MRC2: variants seen among roughly 807,000 people sequenced by gnomAD.
MRC2 encodes C-type mannose receptor 2.
MRC2 carries 84 observed loss-of-function variants against 206.2 expected under a neutral mutation model. The ratio of observed to expected loss-of-function variants is 0.41; its 90% confidence interval spans 0.34 to 0.49. MRC2 has a LOEUF of 0.49. MRC2 is among the 20% of genes least tolerant of loss of function. The pLI, the probability that MRC2 is intolerant of heterozygous loss-of-function variation, is 0.31. For missense variants in MRC2, 1,676 were observed against 2,001.5 expected (o/e 0.84, Z 3.10); for synonymous variants, 798 against 800.0 (o/e 1.00, Z 0.04).
At chr17:62,631,934 C>T (rs1249326853) in intron 1 of MRC2, among the ~76,000 whole-genome samples, 1 of 152,122 alleles carries the variant, frequency 6.6e-6, no homozygotes, top group Non-Finnish European at 1.5e-5. Flanking sequence ...TTTGAGACCT[C>T]CCCACCGTGT....
intron 1 of MRC2, among the ~76,000 whole-genome samples, chr17:62,644,425 T>C (rs1373717973): frequency 6.7e-6 from 1 of 149,700 alleles, no homozygotes; most frequent in African/African-American, 2.5e-5. Context: ...TCTGGAAAAA[T>C]AAAAAAACAT....
At position 62,681,943 on chromosome 17, in the gene MRC2, G is replaced by C; in HGVS notation, c.2803+6G>C. 1 of 1,612,220 alleles carries C rather than the reference G, an allele frequency of 6.2e-7. No homozygotes were observed. On this transcript the variant is annotated splice_donor_region_variant and intron_variant, in intron 19 of 29. Coordinates refer to ENST00000303375, the MANE Select transcript of MRC2 (RefSeq NM_006039.5). ...GTACATGACAGCCAGCCGAGGTGAG[G>C]GCAAGGTGGGGGCAGAGTGCGCAGT...
chr17:62,663,463 C>A (rs558578312), intron 1 of MRC2, among the ~76,000 whole-genome samples: 1 of 152,056 alleles, frequency 6.6e-6, no homozygotes, highest in Admixed American at 6.6e-5. Flanking sequence ...AAAGAAGCAC[C>A]GTGCCCTTTA....
rs1391817758 is a variant in MRC2, at chr17:62,693,038, G to C, written c.*587G>C. 6.5e-6 allele frequency: 1 copy of C among 154,264 alleles called. No homozygotes were observed. The highest frequency in any genetic ancestry group is 1.4e-5 in the Non-Finnish European group (1 of 69,226). The allele number at this position is 154,264 out of a possible 1,614,324, so 9.6% of individuals were successfully genotyped here. A position where few individuals can be genotyped will look rare whatever the true frequency, so the allele number is the denominator to read the frequency against. The stretch of plus-strand genomic sequence containing the variant: ...CACTCCTGTGCCTGCTGGGGTGGCT[G>C]TGGGGCGTGGCAGGAGGGGCCTAGG... On this transcript the variant is annotated 3_prime_UTR_variant, in exon 30 of 30. Coordinates refer to ENST00000303375, the MANE Select transcript of MRC2 (RefSeq NM_006039.5).
At position 62,664,867 on chromosome 17, in the gene MRC2, C is replaced by T; in HGVS notation, c.438C>T (p.Thr146=). The T allele has an allele frequency of 1.2e-6, 2 of 1,613,738 alleles. No homozygotes were observed. Among genetic ancestry groups the T allele is most frequent in the Non-Finnish European group, 1.7e-6 (2 of 1,180,030 alleles). The change falls in exon 2 of 30, where the codon ACC becomes ACT. Residue 146 remains threonine, a synonymous_variant. Coordinates refer to ENST00000303375, the MANE Select transcript of MRC2 (RefSeq NM_006039.5). This position sits in a 1 kb window ranked among gnomAD's most constrained non-coding sequence, Gnocchi z 4.7. ...CCAGCAACATATCCAAGCCTGGCAC[C>T]CTTGAGCGTGGTGACCAGACCCGCA... ...ARTSNISKPG[T]LERGDQTRSG... is the part of the protein sequence containing the mutation.
intron 1 of MRC2, among the ~76,000 whole-genome samples, chr17:62,645,457 G>A (rs891826844): frequency 2.2e-5 from 3 of 133,592 alleles, no homozygotes; most frequent in Admixed American, 8.1e-5. Flanking sequence ...TATACATATT[G>A]TGTGTGTATA....
chr17:62,630,082 T>C (rs906809161), intron 1 of MRC2, among the ~76,000 whole-genome samples: 2 of 152,192 alleles, frequency 1.3e-5, no homozygotes, highest in Admixed American at 1.3e-4. Flanking sequence ...TTCTGGAGCA[T>C]GCAGTTTGCT....
chr17:62,676,650 A>G, intron 11 of MRC2, 119 bp downstream of exon 11: 1 of 1,264,562 alleles, frequency 7.9e-7, no homozygotes, highest in South Asian at 1.6e-5. Context: ...ACTGTGGTGT[A>G]GTGTCTATGA....
At chr17:62,641,284 C>T (rs1238071895) in intron 1 of MRC2, among the ~76,000 whole-genome samples, 1 of 149,424 alleles carries the variant, frequency 6.7e-6, no homozygotes, top group Non-Finnish European at 1.5e-5. Flanking sequence ...CCATTGCACT[C>T]CAGCCTGGCC....
At position 62,680,011 on chromosome 17, in the gene MRC2, A is replaced by C. The variant is rs1356200916; in HGVS notation, c.2298+109A>C. ...GGGTTTTCTTGAGGGCCGGGCCCCC[A>C]GTCGGAGCCGGCTTCAGGAAAGCAG... On this transcript the variant is annotated intron_variant, in intron 14 of 29. Transcript: ENST00000303375. This position sits in a 1 kb window ranked among gnomAD's most constrained non-coding sequence, Gnocchi z 4.8. 2.7e-6 allele frequency: 4 copies of C among 1,464,712 alleles called. No individual in the cohort carries two copies. Among genetic ancestry groups the C allele is most frequent in the Non-Finnish European group, 3.7e-6 (4 of 1,084,572 alleles). 90.7% of individuals were successfully genotyped at this position (1,464,712 alleles called of 1,614,324 possible).
At chr17:62,663,817 G>T (rs1472918062) in intron 1 of MRC2, among the ~76,000 whole-genome samples, 1 of 152,168 alleles carries the variant, frequency 6.6e-6, no homozygotes, top group East Asian at 1.9e-4. Context: ...GATCAAAGGA[G>T]AATTTTGGCA....
Position 62,689,589 on chromosome 17 carries a change from C to A in MRC2, c.3402C>A (p.Asn1134Lys), listed in dbSNP as rs560546241. The A allele has an allele frequency of 6.2e-7, 1 of 1,602,936 alleles. No homozygotes were observed. Among genetic ancestry groups the A allele is most frequent in the Non-Finnish European group, 8.5e-7 (1 of 1,175,048 alleles). The stretch of plus-strand genomic sequence containing the variant: ...CGGGCACTGAGCTCTCCTACCTCAA[C>A]GGCACCTTCCGGCTGCTTCAGAAGC... ...PAPGTELSYLNGTFRLLQKPL... is the reference protein window; with the variant it reads ...PAPGTELSYLKGTFRLLQKPL... The change falls in exon 24 of 30, where the codon AAC becomes AAA. Residue 1134 changes from asparagine to lysine, a missense_variant. Transcript: ENST00000303375.
rs191992589 is a variant in MRC2 at position 62,659,287 on chromosome 17, C to T, written c.119-5261C>T. Among the ~76,000 whole-genome samples the T allele has an allele frequency of 2.7e-3, 410 of 152,264 alleles. 2 individuals are homozygous for T. Among genetic ancestry groups the T allele is most frequent in the African/African-American group, 9.4e-3 (390 of 41,552 alleles). On this transcript the variant is annotated intron_variant, in intron 1 of 29. Coordinates refer to ENST00000303375, the MANE Select transcript of MRC2 (RefSeq NM_006039.5). ...GGGCGTGGTGGCTCACTCTTGTAATCCTAGTACTCTGGGAGGCCAAGGTGG... is the reference window on the plus strand; with the variant it reads ...GGGCGTGGTGGCTCACTCTTGTAATTCTAGTACTCTGGGAGGCCAAGGTGG...
chr17:62,647,186 CTTTT>C (rs34733419), intron 1 of MRC2, among the ~76,000 whole-genome samples: 1 of 136,362 alleles, frequency 7.3e-6, no homozygotes, highest in African/African-American at 2.7e-5. Flanking sequence ...TTTTCTTTTT[CTTTT>C]TTTTTTTTTT....
chr17:62,689,054 G>C (rs544269076), intron 23 of MRC2, 94 bp downstream of exon 23: 1 of 981,562 alleles, frequency 1.0e-6, no homozygotes, highest in Non-Finnish European at 1.6e-6. Flanking sequence ...CATGGTCCCT[G>C]GCAGAGCAGG....
Position 62,680,659 on chromosome 17 carries a change from A to T in MRC2, c.2474-141A>T. 7.8e-7 allele frequency: 1 copy of T among 1,287,678 alleles called. No homozygotes were observed. The highest frequency in any genetic ancestry group is 1.5e-5 in the South Asian group (1 of 65,044). 79.8% of individuals were successfully genotyped at this position (1,287,678 alleles called of 1,614,324 possible). A position where few individuals can be genotyped will look rare whatever the true frequency, so the allele number is the denominator to read the frequency against. ...GCAAGCCTGGGGCCTGGGGCCTGGC[A>T]CGGTGCCTGCCTGGGTCCGGTGTGC... On this transcript the variant is annotated intron_variant, in intron 16 of 29. Transcript: ENST00000303375. The surrounding 1 kb of genome is among the most constrained non-coding windows in gnomAD (Gnocchi z 4.8).
rs754204879 is a variant in MRC2, at chr17:62,690,171, G to A, written c.3758G>A (p.Arg1253Gln). The part of the protein sequence containing the change: ...CGVSSGPPPP[R>Q]RISYHGSCPQ... The stretch of plus-strand genomic sequence containing the variant: ...ACCCCCACAGGGCCCCCTCCTCCCC[G>A]AAGAATAAGCTACCATGGCAGCTGT... The change falls in exon 26 of 30, where the codon CGA (arginine) becomes CAA (glutamine). Residue 1253 changes from arginine to glutamine, a missense_variant. Physicochemically the swap from Arg to Gln is conservative, Grantham distance 43. Coordinates refer to ENST00000303375, the MANE Select transcript of MRC2 (RefSeq NM_006039.5). The A allele has an allele frequency of 6.8e-6, 11 of 1,606,544 alleles. No homozygotes were observed. The East Asian group carries it at 1.3e-4, about 20-fold the overall frequency.
At chr17:62,681,802 G>C (rs147854179) in intron 18 of MRC2, 35 bp from the exon 19 acceptor site, 4 of 1,534,010 alleles carry the variant, frequency 2.6e-6, no homozygotes, top group African/African-American at 2.7e-5. Context: ...GCTGGGGGCC[G>C]GTGCTGGAGT....
chr17:62,680,610 G>T lies in MRC2; in HGVS notation c.2473+157G>T, dbSNP rs1353746354. 1 of 1,288,488 alleles carries T rather than the reference G, an allele frequency of 7.8e-7. No homozygotes were observed. Among genetic ancestry groups the T allele is most frequent in the Non-Finnish European group, 1.1e-6 (1 of 944,570 alleles). The allele number at this position is 1,288,488 out of a possible 1,614,324, so 79.8% of individuals were successfully genotyped here. The stretch of plus-strand genomic sequence containing the variant: ...CTCGGACGGAGGCAGCCACAGCCCT[G>T]TTTGCTTCCGTGTGGGAGGCGAGGC... On this transcript the variant is annotated intron_variant, in intron 16 of 29. Coordinates refer to ENST00000303375, the MANE Select transcript of MRC2 (RefSeq NM_006039.5). This position sits in a 1 kb window ranked among gnomAD's most constrained non-coding sequence, Gnocchi z 4.8.
Sources: gnomAD v4.1 joint callset for allele counts (sites outside exome capture counted in the v4.1 genomes callset) on GRCh38, gnomAD v4.1.1 for gene constraint, Gnocchi (gnomAD v3.1) non-coding constraint, MANE v1.5 for transcripts, NCBI Gene and HGNC (gene_info 2026-07-23, HGNC 2026-07-21) for gene names.